The following SIPA1L3 variants were observed in gnomAD, a reference collection of about 807,000 sequenced individuals.
SIPA1L3 encodes signal induced proliferation associated 1 like 3.
In SIPA1L3, 59 loss-of-function variants were observed where a neutral mutation model predicts 150.1. The observed-to-expected ratio is 0.39, with a 90% confidence interval of 0.32 to 0.49. SIPA1L3 has a LOEUF of 0.49. Among genes scored for constraint, SIPA1L3 ranks in the 20% least tolerant of loss-of-function variants. The pLI is 0.86. For missense variants in SIPA1L3, 2,211 were observed against 2,489.5 expected, an observed-to-expected ratio of 0.89 and a Z score of 2.38; for synonymous variants, 1,070 against 1,077.6, an observed-to-expected ratio of 0.99 and a Z score of 0.14.
chr19:37,982,000 G>C (rs1967213202), intron 1 of SIPA1L3, among the ~76,000 whole-genome samples: 1 of 152,194 alleles, frequency 6.6e-6, no homozygotes, highest in Non-Finnish European at 1.5e-5. Context: ...AGAGAGGCTG[G>C]CTCCAGCATC....
At chr19:38,115,821 T>C (rs1000871288) in intron 8 of SIPA1L3, among the ~76,000 whole-genome samples, 2 of 152,222 alleles carry the variant, frequency 1.3e-5, no homozygotes, top group Non-Finnish European at 2.9e-5. Context: ...CTCATCTTTA[T>C]GAGTTTATCT....
chr19:37,918,137 C>A lies in SIPA1L3; in HGVS notation c.-379+10779C>A, dbSNP rs1265560889. On this transcript the variant is annotated intron_variant, in intron 1 of 21. Transcript: ENST00000222345. ...CCTCTAGGTTTGCTGGAACCTGGAA[C>A]CTTACCTCCCAGGAAAGAGAGGGGT... is the stretch of plus-strand genomic sequence containing the variant. 3.3e-5 allele frequency among the ~76,000 whole-genome samples: 5 copies of A among 152,054 alleles called. 1 individual carries two copies. Among genetic ancestry groups the A allele is most frequent in the Non-Finnish European group, 7.4e-5 (5 of 68,006 alleles).
chr19:38,018,200 G>A (rs554554163), intron 1 of SIPA1L3, among the ~76,000 whole-genome samples: 2 of 108,402 alleles, frequency 1.8e-5, no homozygotes, highest in African/African-American at 7.5e-5. Context: ...GTCTTGCTCT[G>A]TCACCCAGGC....
intron 16 of SIPA1L3, among the ~76,000 whole-genome samples, chr19:38,188,017 A>G (rs948424811): frequency 3.9e-5 from 6 of 152,174 alleles, no homozygotes; most frequent in African/African-American, 1.4e-4. Flanking sequence ...AATTGCATAT[A>G]TAAAATATTA....
At chr19:38,063,339 T>G (rs1421065479) in intron 2 of SIPA1L3, among the ~76,000 whole-genome samples, 2 of 151,806 alleles carry the variant, frequency 1.3e-5, no homozygotes, top group Non-Finnish European at 2.9e-5. Flanking sequence ...GTGTTCCGGG[T>G]GGGCCCCACT....
intron 1 of SIPA1L3, among the ~76,000 whole-genome samples, chr19:38,014,734 A>G (rs1055218723): frequency 1.9e-4 from 29 of 150,858 alleles, no homozygotes; most frequent in African/African-American, 5.9e-4. Context: ...CAGTGGCGCA[A>G]TCTCGGCTCA....
intron 19 of SIPA1L3, among the ~76,000 whole-genome samples, chr19:38,199,239 C>T (rs1973033310): frequency 6.6e-6 from 1 of 152,192 alleles, no homozygotes; most frequent in South Asian, 2.1e-4. Flanking sequence ...TCATGTGGGT[C>T]TCCAAGCATC....
At chr19:37,960,691 G>C (rs1332658831) in intron 1 of SIPA1L3, among the ~76,000 whole-genome samples, 3 of 151,818 alleles carry the variant, frequency 2.0e-5, no homozygotes, top group Non-Finnish European at 4.4e-5. Flanking sequence ...ACAGGCGTGA[G>C]CCACTGCGCC....
In SIPA1L3 at chr19:37,911,656, C is replaced by T. The variant is rs529520593; in HGVS notation, c.-379+4298C>T. ...CTCTCCGAGTAGCTGGGACTACAGGCGCCCGCCACCACGCCCGGCTAATTT... is the reference window on the plus strand; with the variant it reads ...CTCTCCGAGTAGCTGGGACTACAGGTGCCCGCCACCACGCCCGGCTAATTT... On this transcript the variant is annotated intron_variant, in intron 1 of 21. Transcript: ENST00000222345. Among the ~76,000 whole-genome samples, 6 of 151,706 alleles carry T rather than the reference C, an allele frequency of 4.0e-5. 1 individual carries two copies. The South Asian group carries it at 8.4e-4, about 21-fold the overall frequency.
At chr19:38,176,840 A>T (rs953784025) in intron 15 of SIPA1L3, among the ~76,000 whole-genome samples, 1 of 151,960 alleles carries the variant, frequency 6.6e-6, no homozygotes, top group Non-Finnish European at 1.5e-5. Context: ...GTGTGGTGGC[A>T]CATGCCTGTA....
chr19:38,156,304 G>A (rs896699404), intron 13 of SIPA1L3, among the ~76,000 whole-genome samples: 4 of 151,616 alleles, frequency 2.6e-5, no homozygotes, highest in African/African-American at 7.3e-5. Flanking sequence ...AGAGAAAAGT[G>A]TTGCTTGGCT....
At chr19:38,096,053 A>G (rs533654567) in intron 4 of SIPA1L3, among the ~76,000 whole-genome samples, 59 of 152,010 alleles carry the variant, frequency 3.9e-4, no homozygotes, top group African/African-American at 1.4e-3. Context: ...GATAAGAGAG[A>G]TTTGTTTGTT....
intron 1 of SIPA1L3, among the ~76,000 whole-genome samples, chr19:37,961,432 T>G (rs528846887): frequency 5.9e-5 from 9 of 152,278 alleles, no homozygotes; most frequent in Non-Finnish European, 1.3e-4. Flanking sequence ...CTCCATTGTT[T>G]GTGGTGGGAA....
At position 38,021,188 on chromosome 19, in the gene SIPA1L3, C is replaced by CG. The variant is rs1968365341; in HGVS notation, c.-378-7899dup. Among the ~76,000 whole-genome samples the CG allele has an allele frequency of 2.0e-5, 3 of 152,310 alleles. No individual in the cohort carries two copies. The South Asian group carries it at 6.2e-4, about 32-fold the overall frequency. The stretch of plus-strand genomic sequence containing the variant: ...GGGTGGTGGCACAGCACGTGGCCCC[C>CG]GGCTGCAGCAGGTGTTTCAGTTAGG... On this transcript the variant is annotated intron_variant, in intron 1 of 21. Transcript: ENST00000222345.
At chr19:38,154,455 A>T (rs570677399) in intron 13 of SIPA1L3, among the ~76,000 whole-genome samples, 10 of 151,904 alleles carry the variant, frequency 6.6e-5, no homozygotes, top group Non-Finnish European at 5.9e-5. Context: ...TTATTTATTT[A>T]TTTATTTTTT....
rs1972176322 is a variant in SIPA1L3, at chr19:38,164,892, A to G, written c.4194A>G (p.Pro1398=). ...PTGLAGGSRD[P]PRQPSDMGSR... ...GACTGGCGGGGGGCAGCCGAGACCC[A>G]CCGAGGCAGCCCAGGTAAGCTGTTG... Residue 1398 remains proline, a synonymous_variant, in exon 15 of 22, where the codon CCA becomes CCG. Transcript: ENST00000222345. This position sits in a 1 kb window ranked among gnomAD's most constrained non-coding sequence, Gnocchi z 4.1. 1 of 1,545,014 alleles carries G rather than the reference A, an allele frequency of 6.5e-7. No individual in the cohort carries two copies. Among genetic ancestry groups the G allele is most frequent in the East Asian group, 2.3e-5 (1 of 44,098 alleles).
intron 21 of SIPA1L3, 103 bp from the exon 22 acceptor site, chr19:38,205,983 AGTGGTTGGCTC>A (rs1222854940): frequency 5.7e-6 from 7 of 1,238,818 alleles, no homozygotes; most frequent in Non-Finnish European, 7.6e-6. Flanking sequence ...GCCTGGCTCT[AGTGGTTGGCTC>A]CAAAGCACAG....
intron 16 of SIPA1L3, chr19:38,184,912 C>G (rs1458049501): frequency 6.6e-6 from 1 of 152,480 alleles, no homozygotes; most frequent in Non-Finnish European, 1.5e-5. Flanking sequence ...AACTCCCGCT[C>G]AGAGCCTGGA....
At chr19:37,971,748 T>A (rs1966944725) in intron 1 of SIPA1L3, among the ~76,000 whole-genome samples, 1 of 152,006 alleles carries the variant, frequency 6.6e-6, no homozygotes, top group Non-Finnish European at 1.5e-5. Flanking sequence ...TTGTATTTTA[T>A]TAGAGACGGG....
Sources: gnomAD v4.1 joint callset for allele counts (sites outside exome capture counted in the v4.1 genomes callset) on GRCh38, gnomAD v4.1.1 for gene constraint, Gnocchi (gnomAD v3.1) non-coding constraint, MANE v1.5 for transcripts, NCBI Gene and HGNC (gene_info 2026-07-23, HGNC 2026-07-21) for gene names.